The following DNAJC17 variants were observed in gnomAD, a reference collection of about 807,000 sequenced individuals.
DNAJC17 encodes the protein dnaJ homolog subfamily C member 17.
In DNAJC17, 35 loss-of-function variants were observed where a neutral mutation model predicts 48.1. The ratio of observed to expected loss-of-function variants is 0.73; its 90% CI spans 0.56 to 0.96. DNAJC17 has a LOEUF of 0.96. Among genes scored for constraint, DNAJC17 ranks in the 50% least tolerant of loss-of-function variants. The pLI, the probability that DNAJC17 is intolerant of heterozygous loss-of-function variation, is 0.00. For missense variants in DNAJC17, 355 were observed against 377.1 expected (o/e 0.94, Z 0.48); for synonymous variants, 117 against 142.7 (o/e 0.82, Z 1.28).
At chr15:40,775,920 C>G (rs1889305646) in intron 6 of DNAJC17, among the ~76,000 whole-genome samples, 1 of 152,172 alleles carries the variant, frequency 6.6e-6, no homozygotes. Flanking sequence ...CAGGGCCCCT[C>G]CCCGTGGTGA....
chr15:40,794,012 A>G (rs1889880198), intron 1 of DNAJC17, among the ~76,000 whole-genome samples: 1 of 152,202 alleles, frequency 6.6e-6, no homozygotes, highest in African/African-American at 2.4e-5. Context: ...CATGATTTCC[A>G]TCTATTCTCA....
chr15:40,802,168 AT>A (rs759016627), intron 1 of DNAJC17, among the ~76,000 whole-genome samples: 9,215 of 133,974 alleles, frequency 0.069, 643 homozygotes, highest in African/African-American at 0.19. Context: ...AAAGAGTTCA[AT>A]TTTTTTTTTT....
intron 1 of DNAJC17, chr15:40,792,599 G>A (rs749883385): frequency 1.1e-6 from 1 of 883,980 alleles, no homozygotes; most frequent in Non-Finnish European, 1.4e-6. Flanking sequence ...AGGACTGCTT[G>A]AGCCCAGGAG....
chr15:40,771,156 G>A, intron 10 of DNAJC17: 1 of 841,890 alleles, frequency 1.2e-6, no homozygotes, highest in Admixed American at 2.8e-5. Context: ...CCTGGGGGAG[G>A]ATTCCAGGAT....
chr15:40,782,186 G>A (rs1223379561), intron 1 of DNAJC17, among the ~76,000 whole-genome samples: 1 of 152,016 alleles, frequency 6.6e-6, no homozygotes, highest in African/African-American at 2.4e-5. Context: ...TCACACCACT[G>A]CATTTCAGCC....
intron 1 of DNAJC17, among the ~76,000 whole-genome samples, chr15:40,783,052 T>C (rs564247001): frequency 1.3e-5 from 2 of 151,722 alleles, no homozygotes; most frequent in South Asian, 4.2e-4. Flanking sequence ...GGAAAGGAGG[T>C]GCTAGCTTAA....
chr15:40,794,749 G>A (rs191614572), intron 1 of DNAJC17, among the ~76,000 whole-genome samples: 33 of 152,202 alleles, frequency 2.2e-4, no homozygotes, highest in African/African-American at 7.7e-4. Context: ...ACGGAGTCTT[G>A]CTCTGTCGCC....
chr15:40,772,833 G>T (rs1304316333), intron 10 of DNAJC17, among the ~76,000 whole-genome samples: 1 of 152,218 alleles, frequency 6.6e-6, no homozygotes, highest in Non-Finnish European at 1.5e-5. Flanking sequence ...CAGGCCAAAA[G>T]ACACCAGGGC....
chr15:40,779,163 G>A, intron 4 of DNAJC17, 60 bp downstream of exon 4: 1 of 1,505,134 alleles, frequency 6.6e-7, no homozygotes, highest in Non-Finnish European at 9.2e-7. Context: ...TCAGGTGAGG[G>A]AGATGAATGA....
At chr15:40,806,996 C>T (rs1890250285) in intron 1 of DNAJC17, 1 of 493,894 alleles carries the variant, frequency 2.0e-6, no homozygotes, top group Non-Finnish European at 3.6e-6. Context: ...TTAAATCAGC[C>T]TGCAGAAGAG....
chr15:40,775,577 T>G lies in DNAJC17; in HGVS notation c.498A>C (p.Glu166Asp). Residue 166 changes from glutamate (E) to aspartate (D), a missense_variant, in exon 7 of 11, where the codon GAA (glutamate) becomes GAC (aspartate). Physicochemically the swap from Glu to Asp is conservative, Grantham distance 45. Transcript: ENST00000220496. ...CCTTTAGTTTGGGGGTTCCTTGGCCTTCAGTATTTTCTGCCTTTCCTAGAA... is the reference window on the plus strand; with the variant it reads ...CCTTTAGTTTGGGGGTTCCTTGGCCGTCAGTATTTTCTGCCTTTCCTAGAA... ...QRLRGKAENT[E>D]GQGTPKLKLK... The G allele has an allele frequency of 3.1e-6, 5 of 1,614,052 alleles. No individual in the cohort carries two copies. The highest frequency in any genetic ancestry group is 4.2e-6 in the Non-Finnish European group (5 of 1,180,000).
intron 1 of DNAJC17, 78 bp from the exon 2 acceptor site, chr15:40,780,075 G>C (rs537738823): frequency 2.7e-4 from 372 of 1,394,284 alleles, no homozygotes; most frequent in Admixed American, 1.2e-3. Context: ...CAATGGGTAA[G>C]GGGAATCCCA....
rs186677781 is a variant in DNAJC17, at chr15:40,788,342, C to T, written c.79-8345G>A. Among the ~76,000 whole-genome samples, 7 of 152,086 alleles carry T rather than the reference C, an allele frequency of 4.6e-5. No individual in the cohort carries two copies. In the East Asian group the frequency reaches 5.8e-4, roughly 13 times the overall value. On this transcript the variant is annotated intron_variant, in intron 1 of 10. Coordinates refer to ENST00000220496, the MANE Select transcript of DNAJC17 (RefSeq NM_018163.3). Reference sequence around the variant, plus strand: ...CTTTGGTAGGCCAAAGCAAGAGGATCGCCTGAAGCCAGGAGTTCAAGATCA... The same window carrying T: ...CTTTGGTAGGCCAAAGCAAGAGGATTGCCTGAAGCCAGGAGTTCAAGATCA...
Position 40,804,856 on chromosome 15 carries a change from G to T in DNAJC17, c.78+2513C>A, listed in dbSNP as rs529165643. On this transcript the variant is annotated intron_variant, in intron 1 of 10. Transcript: ENST00000220496. ...GTCTCTGATAAAAACACAAAAATTA[G>T]CTGGGTGTGGTGGCACATGCCTGTA... Among the ~76,000 whole-genome samples the T allele has an allele frequency of 2.6e-5, 4 of 152,224 alleles. No individual in the cohort carries two copies. In the East Asian group the frequency reaches 7.8e-4, roughly 30 times the overall value.
At chr15:40,779,431 T>C in intron 3 of DNAJC17, 114 bp downstream of exon 3, 1 of 1,559,466 alleles carries the variant, frequency 6.4e-7, no homozygotes, top group African/African-American at 1.4e-5. Flanking sequence ...CTGGGTCTCC[T>C]GGGCTTAGAC....
At chr15:40,790,445 A>G (rs965803562) in intron 1 of DNAJC17, among the ~76,000 whole-genome samples, 1 of 152,158 alleles carries the variant, frequency 6.6e-6, no homozygotes, top group Admixed American at 6.5e-5. Context: ...ATGGTGGCGC[A>G]TCACATGCCT....
rs1888953091 is a variant in DNAJC17 at position 40,766,494 on chromosome 15, G to C, written c.*1446C>G. 6.6e-6 allele frequency: 1 copy of C among 152,292 alleles called. No homozygotes were observed. Among genetic ancestry groups the C allele is most frequent in the Non-Finnish European group, 1.5e-5 (1 of 68,088 alleles). 9.4% of individuals were successfully genotyped at this position (152,292 alleles called of 1,614,324 possible). Reference sequence around the variant, plus strand: ...TCTCTGAAAAGAGTTGTCAGAGTGAGTGCCAGTTCAAATCGGGGAAAGAGG... The same window carrying C: ...TCTCTGAAAAGAGTTGTCAGAGTGACTGCCAGTTCAAATCGGGGAAAGAGG... On this transcript the variant is annotated 3_prime_UTR_variant, in exon 11 of 11. Transcript: ENST00000220496.
intron 1 of DNAJC17, among the ~76,000 whole-genome samples, chr15:40,786,428 G>A (rs1889643882): frequency 6.6e-6 from 1 of 152,182 alleles, no homozygotes; most frequent in Non-Finnish European, 1.5e-5. Context: ...TTTTGGGAAG[G>A]TGAGGCGGGA....
At chr15:40,774,874 G>A (rs542471345) in intron 8 of DNAJC17, 157 bp downstream of exon 8, 1 of 732,706 alleles carries the variant, frequency 1.4e-6, no homozygotes, top group South Asian at 1.8e-5. Flanking sequence ...GCTGTAGCCT[G>A]GGGAGAAGTC....
Sources: gnomAD v4.1 joint callset for allele counts (sites outside exome capture counted in the v4.1 genomes callset) on GRCh38, gnomAD v4.1.1 for gene constraint, MANE v1.5 for transcripts, NCBI Gene and HGNC (gene_info 2026-07-23, HGNC 2026-07-21) for gene names.